ERC2: variants seen among roughly 807,000 people sequenced by gnomAD.
The protein encoded by ERC2 is ERC protein 2.
ERC2 carries 42 observed loss-of-function variants against 114.8 expected under a neutral mutation model. The ratio of observed to expected loss-of-function variants is 0.37; its 90% CI spans 0.29 to 0.47. The LOEUF (loss-of-function observed/expected upper bound fraction) is 0.47. ERC2 is among the 20% of genes least tolerant of loss of function. The pLI is 0.99. For synonymous variants in ERC2, 454 were observed against 425.5 expected (o/e 1.07, Z -0.82); for missense variants, 939 against 1,150.7 (o/e 0.82, Z 2.66).
chr3:56,199,347 C>G (rs937637145), intron 3 of ERC2, among the ~76,000 whole-genome samples: 3 of 151,974 alleles, frequency 2.0e-5, no homozygotes, highest in Admixed American at 2.0e-4. Flanking sequence ...TAGACAAAGG[C>G]AAAGGAAAGA....
intron 17 of ERC2, among the ~76,000 whole-genome samples, chr3:55,639,134 T>C (rs9863162): frequency 0.057 from 8,610 of 151,932 alleles, 825 homozygotes; most frequent in African/African-American, 0.2. Flanking sequence ...AAACAAAGAG[T>C]TGAAAGAAGT....
At chr3:55,987,374 C>A (rs1405612497) in intron 11 of ERC2, among the ~76,000 whole-genome samples, 2 of 152,182 alleles carry the variant, frequency 1.3e-5, no homozygotes, top group African/African-American at 4.8e-5. Flanking sequence ...GATGTAGTTG[C>A]CTCTTTCAAG....
intron 13 of ERC2, among the ~76,000 whole-genome samples, chr3:55,898,908 G>C (rs889904613): frequency 1.3e-5 from 2 of 152,190 alleles, no homozygotes; most frequent in Non-Finnish European, 2.9e-5. Context: ...GAAGAAAATA[G>C]AGAAGCATCG....
chr3:56,173,411 C>T, intron 4 of ERC2, 35 bp downstream of exon 4: 2 of 1,593,810 alleles, frequency 1.3e-6, no homozygotes, highest in South Asian at 1.1e-5. Flanking sequence ...ACTCCCAAGG[C>T]ATAACTGTTT....
At chr3:55,808,742 T>TATATAAAA (rs1455596885) in intron 14 of ERC2, among the ~76,000 whole-genome samples, 44 of 100,362 alleles carry the variant, frequency 4.4e-4, no homozygotes, top group African/African-American at 1.4e-3. Context: ...TATATATATA[T>TATATAAAA]AACGTATAAC....
intron 17 of ERC2, among the ~76,000 whole-genome samples, chr3:55,672,176 C>A (rs974346311): frequency 6.6e-6 from 1 of 151,816 alleles, no homozygotes; most frequent in Admixed American, 6.6e-5. Flanking sequence ...CATCTCTAGG[C>A]CCCCCACCCC....
At chr3:56,427,313 A>C (rs1402836089) in intron 2 of ERC2, among the ~76,000 whole-genome samples, 1 of 152,084 alleles carries the variant, frequency 6.6e-6, no homozygotes, top group African/African-American at 2.4e-5. Flanking sequence ...GGTTTTGTAG[A>C]GGCAGGGTCT....
At chr3:56,076,714 G>C (rs1369339400) in intron 7 of ERC2, among the ~76,000 whole-genome samples, 1 of 152,144 alleles carries the variant, frequency 6.6e-6, no homozygotes, top group African/African-American at 2.4e-5. Flanking sequence ...TCCCACAAAA[G>C]CTTCATCAGA....
intron 15 of ERC2, among the ~76,000 whole-genome samples, chr3:55,707,853 T>C (rs1293960747): frequency 6.6e-6 from 1 of 152,164 alleles, no homozygotes; most frequent in East Asian, 1.9e-4. Flanking sequence ...ATGCCCTGAA[T>C]ATTTGCCTTG....
intron 17 of ERC2, among the ~76,000 whole-genome samples, chr3:55,523,947 C>T (rs9868119): frequency 2.0e-5 from 3 of 152,288 alleles, no homozygotes; most frequent in East Asian, 1.9e-4. Context: ...ACAGGAGCTT[C>T]GTATGTGTAG....
chr3:56,442,882 A>C (rs2062384299), intron 1 of ERC2, among the ~76,000 whole-genome samples: 1 of 152,190 alleles, frequency 6.6e-6, no homozygotes, highest in Non-Finnish European at 1.5e-5. Context: ...GGTTCTGACT[A>C]TGGGAAGTTT....
intron 17 of ERC2, among the ~76,000 whole-genome samples, chr3:55,662,884 G>C (rs190390913): frequency 6.1e-4 from 93 of 152,308 alleles, no homozygotes; most frequent in Non-Finnish European, 1.1e-3. Context: ...TGCTACAGTA[G>C]AGCCAAGTCC....
chr3:56,110,246 G>A (rs927475756), intron 6 of ERC2, among the ~76,000 whole-genome samples: 4 of 152,038 alleles, frequency 2.6e-5, no homozygotes, highest in East Asian at 1.9e-4. Flanking sequence ...ATAGGTACAC[G>A]AGCACCTTTT....
At chr3:56,319,886 T>A (rs2057047215) in intron 2 of ERC2, among the ~76,000 whole-genome samples, 1 of 151,992 alleles carries the variant, frequency 6.6e-6, no homozygotes, top group South Asian at 2.1e-4. Flanking sequence ...ATCCCAGAGA[T>A]CAAACAATAT....
chr3:56,436,465 A>G (rs1446232734), intron 1 of ERC2, among the ~76,000 whole-genome samples: 1 of 152,170 alleles, frequency 6.6e-6, no homozygotes, highest in African/African-American at 2.4e-5. Context: ...TCACCTGCCT[A>G]TCATTCATCC....
intron 14 of ERC2, among the ~76,000 whole-genome samples, chr3:55,737,015 A>C (rs2148928699): frequency 6.6e-6 from 1 of 152,280 alleles, no homozygotes; most frequent in East Asian, 1.9e-4. Context: ...AGCCCCAAGG[A>C]AGCCTCCACA....
intron 15 of ERC2, among the ~76,000 whole-genome samples, chr3:55,721,526 A>G (rs186403949): frequency 1.3e-5 from 2 of 152,362 alleles, no homozygotes; most frequent in East Asian, 3.9e-4. Context: ...GAGGTCTGTT[A>G]GCTTCTCTCT....
At chr3:56,171,053 T>C (rs1401780230) in intron 4 of ERC2, among the ~76,000 whole-genome samples, 2 of 152,084 alleles carry the variant, frequency 1.3e-5, no homozygotes, top group Non-Finnish European at 2.9e-5. Context: ...CTTGAGCCAA[T>C]GCACCTGGCC....
In ERC2 at chr3:55,582,973, T is replaced by C. The variant is rs143244701; in HGVS notation, c.*40-71697A>G. Among the ~76,000 whole-genome samples the C allele has an allele frequency of 1.6e-3, 251 of 152,356 alleles. 5 individuals carry two copies. In the Middle Eastern group the frequency reaches 0.027, roughly 17 times the overall value. On this transcript the variant is annotated intron_variant, in intron 17 of 17. Coordinates refer to ENST00000288221, the MANE Select transcript of ERC2 (RefSeq NM_015576.3). ...GCAGGTTACTTAACCTTTGTTAGTC[T>C]CAGTTTTCTCATCTGACAAAGTGGG...
Sources: gnomAD v4.1 joint callset for allele counts (sites outside exome capture counted in the v4.1 genomes callset) on GRCh38, gnomAD v4.1.1 for gene constraint, MANE v1.5 for transcripts, NCBI Gene and HGNC (gene_info 2026-07-23, HGNC 2026-07-21) for gene names.